The following EPHA5 variants were observed in gnomAD, a reference collection of about 807,000 sequenced individuals.
The protein encoded by EPHA5 is EPH receptor A5.
EPHA5 carries 60 observed loss-of-function variants against 105.0 expected under a neutral mutation model. That is an observed-to-expected ratio of 0.57 (90% CI 0.46 to 0.71). EPHA5 has a LOEUF of 0.71. EPHA5 is among the 30% of genes least tolerant of loss of function. The pLI, the probability that EPHA5 is intolerant of heterozygous loss-of-function variation, is 0.00. For synonymous variants in EPHA5, 513 were observed against 449.1 expected (o/e 1.14, Z -1.80); for missense variants, 1,218 against 1,274.7 (o/e 0.96, Z 0.68).
intron 3 of EPHA5, among the ~76,000 whole-genome samples, chr4:65,502,124 T>C (rs1732551357): frequency 6.6e-6 from 1 of 151,694 alleles, no homozygotes; most frequent in African/African-American, 2.4e-5. Flanking sequence ...AAGACTTAAA[T>C]TTCATGTCTC....
chr4:65,344,578 T>C (rs1722037440), intron 14 of EPHA5, among the ~76,000 whole-genome samples: 1 of 152,206 alleles, frequency 6.6e-6, no homozygotes, highest in South Asian at 2.1e-4. Flanking sequence ...GGGATGAATG[T>C]TTCCCTTGAG....
chr4:65,368,380 G>T (rs1270339576), intron 8 of EPHA5, among the ~76,000 whole-genome samples: 1 of 152,102 alleles, frequency 6.6e-6, no homozygotes, highest in Non-Finnish European at 1.5e-5. Context: ...TGAAATCAGT[G>T]CATTTTTCTT....
At chr4:65,413,641 A>AAT (rs1459474306) in intron 7 of EPHA5, among the ~76,000 whole-genome samples, 1 of 152,162 alleles carries the variant, frequency 6.6e-6, no homozygotes, top group African/African-American at 2.4e-5. Context: ...TTTCCTCACA[A>AAT]ATAACTTTAA....
At chr4:65,525,053 G>T (rs1042583695) in intron 3 of EPHA5, among the ~76,000 whole-genome samples, 2 of 151,548 alleles carry the variant, frequency 1.3e-5, no homozygotes, top group Non-Finnish European at 3.0e-5. Flanking sequence ...TAAATTTCAT[G>T]TATAGTCTTA....
chr4:65,585,781 A>G (rs1320557307), intron 3 of EPHA5, among the ~76,000 whole-genome samples: 1 of 151,854 alleles, frequency 6.6e-6, no homozygotes, highest in Non-Finnish European at 1.5e-5. Flanking sequence ...AGCATTTAAA[A>G]TTATGAATTA....
chr4:65,464,280 A>G (rs560000355), intron 5 of EPHA5, among the ~76,000 whole-genome samples: 1 of 152,148 alleles, frequency 6.6e-6, no homozygotes, highest in South Asian at 2.1e-4. Context: ...CTTGTTTTCT[A>G]CAAATTCTTT....
chr4:65,395,430 A>G (rs770784601), intron 8 of EPHA5, among the ~76,000 whole-genome samples: 1 of 152,196 alleles, frequency 6.6e-6, no homozygotes, highest in South Asian at 2.1e-4. Flanking sequence ...TTTACAACCT[A>G]TCTTACTTCA....
rs927927502 is a variant in EPHA5, at chr4:65,327,021, T to C, written c.2946-2802A>G. Among the ~76,000 whole-genome samples the C allele has an allele frequency of 1.3e-4, 20 of 151,282 alleles. No individual in the cohort carries two copies. In the Admixed American group the frequency reaches 1.3e-3, roughly 10 times the overall value. ...ATATCAAATCACTAATAACTTATTTTTATTTCTACTGTCTTAACTTGTTAT... is the reference window on the plus strand; with the variant it reads ...ATATCAAATCACTAATAACTTATTTCTATTTCTACTGTCTTAACTTGTTAT... On this transcript the variant is annotated intron_variant, in intron 16 of 16. Coordinates refer to ENST00000613740, the MANE Select transcript of EPHA5 (RefSeq NM_001281766.3).
At chr4:65,569,207 G>T (rs2149371525) in intron 3 of EPHA5, among the ~76,000 whole-genome samples, 2 of 151,558 alleles carry the variant, frequency 1.3e-5, no homozygotes, top group South Asian at 4.1e-4. Flanking sequence ...TTTTTAAGTT[G>T]TTTAACCCCA....
rs3752774 is a variant in EPHA5, at chr4:65,335,916, G to A, written c.2789+16C>T. ...TTAGCTACATTCTGGAAAATCACTCGGATCTGGCCTTGTACCTGCAGGATG... is the reference window on the plus strand; with the variant it reads ...TTAGCTACATTCTGGAAAATCACTCAGATCTGGCCTTGTACCTGCAGGATG... On this transcript the variant is annotated intron_variant, in intron 15 of 16. Coordinates refer to ENST00000613740, the MANE Select transcript of EPHA5 (RefSeq NM_001281766.3). 11,514 of 1,570,052 alleles carry A rather than the reference G, an allele frequency of 7.3e-3. 159 individuals are homozygous for A. Among genetic ancestry groups the A allele is most frequent in the East Asian group, 0.071 (3,084 of 43,476 alleles).
At chr4:65,586,847 T>A (rs1201986788) in intron 3 of EPHA5, among the ~76,000 whole-genome samples, 1 of 152,080 alleles carries the variant, frequency 6.6e-6, no homozygotes, top group African/African-American at 2.4e-5. Context: ...GGCATGCAGC[T>A]GGGTGAGATA....
At chr4:65,339,457 A>G (rs1351605124) in intron 14 of EPHA5, among the ~76,000 whole-genome samples, 2 of 152,126 alleles carry the variant, frequency 1.3e-5, no homozygotes, top group Non-Finnish European at 2.9e-5. Flanking sequence ...GGAAACTGTG[A>G]CTTTCAGTGA....
intron 3 of EPHA5, among the ~76,000 whole-genome samples, chr4:65,522,304 G>GTATATATATATATATATATATATATA (rs1475946732): frequency 9.8e-6 from 1 of 101,786 alleles, no homozygotes; most frequent in African/African-American, 4.7e-5. Context: ...ATATGTGTGT[G>GTATATATATATATATATATATATATA]TATATATATA....
chr4:65,419,084 T>G (rs922772126), intron 6 of EPHA5, among the ~76,000 whole-genome samples: 3 of 151,596 alleles, frequency 2.0e-5, no homozygotes, highest in Non-Finnish European at 2.9e-5. Flanking sequence ...AGGGTTTCAC[T>G]ACGTTGGGCA....
At chr4:65,618,318 A>C (rs1032938607) in intron 2 of EPHA5, among the ~76,000 whole-genome samples, 1 of 152,198 alleles carries the variant, frequency 6.6e-6, no homozygotes, top group Non-Finnish European at 1.5e-5. Flanking sequence ...CCACCCTTTT[A>C]ACATGTAAAT....
At chr4:65,462,261 C>A (rs1331939416) in intron 5 of EPHA5, among the ~76,000 whole-genome samples, 1 of 152,114 alleles carries the variant, frequency 6.6e-6, no homozygotes, top group Non-Finnish European at 1.5e-5. Context: ...TATATATTGT[C>A]TTTCCCCTCA....
chr4:65,580,790 C>CTTTT (rs373996186), intron 3 of EPHA5, among the ~76,000 whole-genome samples: 1 of 147,026 alleles, frequency 6.8e-6, no homozygotes, highest in Non-Finnish European at 1.5e-5. Context: ...ACACAGTTTA[C>CTTTT]TTTTTTTTTT....
chr4:65,523,483 C>G (rs1164729824), intron 3 of EPHA5, among the ~76,000 whole-genome samples: 1 of 151,982 alleles, frequency 6.6e-6, no homozygotes, highest in Non-Finnish European at 1.5e-5. Flanking sequence ...GACAAAATAT[C>G]CAGTTAGCTG....
At chr4:65,555,949 A>T (rs936236850) in intron 3 of EPHA5, among the ~76,000 whole-genome samples, 1 of 152,196 alleles carries the variant, frequency 6.6e-6, no homozygotes, top group African/African-American at 2.4e-5. Context: ...AGCTTTCCAA[A>T]TGTTCAGAAA....
Sources: gnomAD v4.1 joint callset for allele counts (sites outside exome capture counted in the v4.1 genomes callset) on GRCh38, gnomAD v4.1.1 for gene constraint, MANE v1.5 for transcripts, NCBI Gene and HGNC (gene_info 2026-07-23, HGNC 2026-07-21) for gene names.